Variants in SYT1 observed in about 807,000 individuals in gnomAD.
SYT1 encodes synaptotagmin 1.
A neutral mutation model predicts 44.8 loss-of-function variants in SYT1; 8 were observed. The ratio of observed to expected loss-of-function variants is 0.18; its 90% CI spans 0.10 to 0.32. The LOEUF (loss-of-function observed/expected upper bound fraction) is 0.32. SYT1 is among the 10% of genes least tolerant of loss of function. SYT1 has a pLI of 1.00. For missense variants in SYT1, 286 were observed against 509.3 expected, an observed-to-expected ratio of 0.56 and a Z score of 4.22; for synonymous variants, 154 against 188.8, an observed-to-expected ratio of 0.82 and a Z score of 1.51.
chr12:79,176,573 C>A (rs1038112466), intron 3 of SYT1, among the ~76,000 whole-genome samples: 4 of 152,034 alleles, frequency 2.6e-5, no homozygotes, highest in African/African-American at 9.7e-5. Flanking sequence ...TACTCTACAA[C>A]CTGCTTCGTA....
chr12:79,148,048 A>G (rs1870031943), intron 3 of SYT1, among the ~76,000 whole-genome samples: 1 of 152,230 alleles, frequency 6.6e-6, no homozygotes, highest in Non-Finnish European at 1.5e-5. Context: ...TTCTAAGCAA[A>G]TAAAATCTCA....
intron 3 of SYT1, among the ~76,000 whole-genome samples, chr12:79,080,875 C>T (rs1565796974): frequency 6.6e-6 from 1 of 152,110 alleles, no homozygotes; most frequent in African/African-American, 2.4e-5. Context: ...ACAGATGGGA[C>T]AAGGAATTTA....
At chr12:79,374,303 T>G (rs553726664) in intron 9 of SYT1, among the ~76,000 whole-genome samples, 214 of 152,236 alleles carry the variant, frequency 1.4e-3, no homozygotes, top group African/African-American at 5.0e-3. Flanking sequence ...TCAGAGAAAC[T>G]AAAGGTTTCA....
chr12:79,268,195 A>G (rs991882038), intron 4 of SYT1, among the ~76,000 whole-genome samples: 1 of 152,170 alleles, frequency 6.6e-6, no homozygotes, highest in Non-Finnish European at 1.5e-5. Flanking sequence ...AAACAATATG[A>G]TATACTTTAC....
At chr12:79,350,485 C>G (rs1565920793) in intron 8 of SYT1, among the ~76,000 whole-genome samples, 1 of 152,008 alleles carries the variant, frequency 6.6e-6, no homozygotes, top group African/African-American at 2.4e-5. Flanking sequence ...ATGTCCTGAC[C>G]TCGTGATCCG....
At position 78,966,400 on chromosome 12, in the gene SYT1, C is replaced by A. The variant is rs545058310; in HGVS notation, c.-216-11399C>A. ...AGAAGTGAAAACCCAAGAAATTGAACAATTTTCTCTAGGCCAGTGTGTGTT... is the reference window on the plus strand; with the variant it reads ...AGAAGTGAAAACCCAAGAAATTGAAAAATTTTCTCTAGGCCAGTGTGTGTT... On this transcript the variant is annotated intron_variant, in intron 1 of 10. Coordinates refer to ENST00000261205, the MANE Select transcript of SYT1 (RefSeq NM_005639.3). Among the ~76,000 whole-genome samples, 5 of 152,184 alleles carry A rather than the reference C, an allele frequency of 3.3e-5. No homozygotes were observed. In the East Asian group the frequency reaches 9.7e-4, roughly 29 times the overall value.
chr12:79,023,728 T>C (rs926618233), intron 2 of SYT1, among the ~76,000 whole-genome samples: 3 of 151,850 alleles, frequency 2.0e-5, no homozygotes, highest in Non-Finnish European at 4.4e-5. Flanking sequence ...CCATATACTC[T>C]TTACCAAGCT....
intron 1 of SYT1, among the ~76,000 whole-genome samples, chr12:78,943,508 G>A (rs1011918761): frequency 2.6e-5 from 4 of 152,052 alleles, no homozygotes; most frequent in African/African-American, 4.8e-5. Flanking sequence ...CCAAGGACAT[G>A]GTGCTAAACC....
In SYT1 at chr12:78,982,597, A is replaced by C. The variant is rs144335205; in HGVS notation, c.-84+4666A>C. The stretch of plus-strand genomic sequence containing the variant: ...GTCAATGCCTGTGTTGAGTTACCTG[A>C]ATCTCTATTTGGCAGCTTCTGAAAG... On this transcript the variant is annotated intron_variant, in intron 2 of 10. Coordinates refer to ENST00000261205, the MANE Select transcript of SYT1 (RefSeq NM_005639.3). Among the ~76,000 whole-genome samples the C allele has an allele frequency of 7.2e-5, 11 of 152,262 alleles. No individual in the cohort carries two copies. In the East Asian group the frequency reaches 2.1e-3, roughly 29 times the overall value.
intron 9 of SYT1, among the ~76,000 whole-genome samples, chr12:79,406,382 T>C (rs1885244484): frequency 6.6e-6 from 1 of 152,104 alleles, no homozygotes; most frequent in Non-Finnish European, 1.5e-5. Context: ...CCTTATTCTA[T>C]ACACTCTCTG....
At chr12:79,421,907 A>G (rs1297567703) in intron 9 of SYT1, among the ~76,000 whole-genome samples, 2 of 151,796 alleles carry the variant, frequency 1.3e-5, no homozygotes, top group Non-Finnish European at 2.9e-5. Context: ...CTTTAGTGAA[A>G]TTTCCTTGTG....
intron 8 of SYT1, among the ~76,000 whole-genome samples, chr12:79,343,850 T>G (rs2139056968): frequency 6.6e-6 from 1 of 152,320 alleles, no homozygotes; most frequent in East Asian, 1.9e-4. Context: ...ATGGATTATC[T>G]TATGAAATCT....
intron 2 of SYT1, among the ~76,000 whole-genome samples, chr12:79,008,323 AAAG>A (rs765380957): frequency 6.6e-6 from 1 of 152,116 alleles, no homozygotes; most frequent in East Asian, 1.9e-4. Flanking sequence ...AATTTAGTAA[AAAG>A]AAGAAGAGAG....
At chr12:79,038,541 C>G (rs1354048081) in intron 2 of SYT1, among the ~76,000 whole-genome samples, 2 of 151,902 alleles carry the variant, frequency 1.3e-5, no homozygotes, top group East Asian at 1.9e-4. Context: ...GAATTTAAGT[C>G]AAAAGATATG....
intron 2 of SYT1, among the ~76,000 whole-genome samples, chr12:79,002,252 C>T (rs1216564320): frequency 6.6e-6 from 1 of 152,034 alleles, no homozygotes; most frequent in Non-Finnish European, 1.5e-5. Flanking sequence ...GAACAAAGTG[C>T]ATCAATGCAA....
chr12:79,166,149 A>T (rs1311617458), intron 3 of SYT1, among the ~76,000 whole-genome samples: 1 of 152,032 alleles, frequency 6.6e-6, no homozygotes, highest in East Asian at 1.9e-4. Flanking sequence ...AGCCATCTGG[A>T]ACTCAAGAGC....
intron 8 of SYT1, among the ~76,000 whole-genome samples, chr12:79,312,954 C>T (rs1209616939): frequency 2.0e-5 from 3 of 152,128 alleles, no homozygotes; most frequent in Admixed American, 2.0e-4. Context: ...GCATGTCACT[C>T]TATGAATGTT....
intron 10 of SYT1, among the ~76,000 whole-genome samples, chr12:79,447,876 T>A (rs904975983): frequency 2.0e-5 from 3 of 152,166 alleles, no homozygotes; most frequent in Admixed American, 2.0e-4. Context: ...GCATATAAAG[T>A]CCACTAAAGG....
chr12:78,912,859 T>C (rs1876422284), intron 1 of SYT1, among the ~76,000 whole-genome samples: 1 of 151,920 alleles, frequency 6.6e-6, no homozygotes, highest in Non-Finnish European at 1.5e-5. Flanking sequence ...GTAACTAGCA[T>C]TTTCTAAGAG....
Sources: allele counts gnomAD v4.1 joint callset (sites outside exome capture counted in the v4.1 genomes callset), GRCh38; gene constraint gnomAD v4.1.1; transcripts MANE v1.5; gene names NCBI Gene and HGNC (gene_info 2026-07-23, HGNC 2026-07-21).